ZNF438: variants seen among roughly 807,000 people sequenced by gnomAD.
The protein encoded by ZNF438 is zinc finger protein 438.
ZNF438 carries 25 observed loss-of-function variants against 38.0 expected under a neutral mutation model. The ratio of observed to expected loss-of-function variants is 0.66; its 90% CI spans 0.48 to 0.92. The LOEUF (loss-of-function observed/expected upper bound fraction) is 0.92. Among genes scored for constraint, ZNF438 ranks in the 40% least tolerant of loss-of-function variants. The pLI is 0.00. For missense variants in ZNF438, 1,007 were observed against 999.6 expected (o/e 1.01, Z -0.10); for synonymous variants, 372 against 364.1 (o/e 1.02, Z -0.25).
chr10:30,898,587 A>G (rs188807112), intron 3 of ZNF438, among the ~76,000 whole-genome samples: 49 of 152,210 alleles, frequency 3.2e-4, no homozygotes, highest in African/African-American at 1.2e-3. Context: ...TAACTACATA[A>G]CCATCTATTT....
intron 2 of ZNF438, among the ~76,000 whole-genome samples, chr10:30,916,276 C>T (rs546005087): frequency 1.7e-4 from 26 of 152,090 alleles, no homozygotes; most frequent in African/African-American, 5.3e-4. Context: ...TTTTGCATAT[C>T]GTATTATTGC....
intron 1 of ZNF438, among the ~76,000 whole-genome samples, chr10:30,965,684 C>T (rs1189999476): frequency 1.3e-5 from 2 of 152,150 alleles, no homozygotes; most frequent in Non-Finnish European, 2.9e-5. Context: ...CATGTCCTCA[C>T]TTATAAGTGG....
intron 1 of ZNF438, among the ~76,000 whole-genome samples, chr10:31,013,882 A>T (rs2055956952): frequency 6.6e-6 from 1 of 152,090 alleles, no homozygotes; most frequent in African/African-American, 2.4e-5. Flanking sequence ...TTTCCTTCAC[A>T]TCCAAGTCCG....
chr10:30,902,305 C>T (rs1353109586), intron 3 of ZNF438, among the ~76,000 whole-genome samples: 4 of 152,090 alleles, frequency 2.6e-5, no homozygotes, highest in African/African-American at 9.7e-5. Context: ...GAGCTAGACA[C>T]AAAAATTCTC....
intron 1 of ZNF438, among the ~76,000 whole-genome samples, chr10:30,987,319 C>CA (rs367636159): frequency 0.49 from 50,316 of 102,584 alleles, 9,613 homozygotes; most frequent in Admixed American, 0.53. Context: ...ACCCCTGTCT[C>CA]AAAAAAAAAA....
chr10:31,010,892 G>GAAAAAAAAAA (rs563189482), intron 1 of ZNF438, among the ~76,000 whole-genome samples: 952 of 92,544 alleles, frequency 0.01, 49 homozygotes, highest in Non-Finnish European at 0.012. Context: ...GACCCTGTTT[G>GAAAAAAAAAA]AAAAAAAAAA....
chr10:30,926,263 A>ACT, intron 2 of ZNF438, among the ~76,000 whole-genome samples: 1 of 152,252 alleles, frequency 6.6e-6, no homozygotes, highest in Admixed American at 6.5e-5. Flanking sequence ...CTGTGAGTTT[A>ACT]CTGTATGTAA....
chr10:30,935,496 C>T (rs1020102656), intron 2 of ZNF438, among the ~76,000 whole-genome samples: 4 of 152,012 alleles, frequency 2.6e-5, no homozygotes, highest in South Asian at 2.1e-4. Flanking sequence ...TTGGTGGAAA[C>T]GAACAGAGCA....
At chr10:31,005,494 A>C (rs1443994908) in intron 1 of ZNF438, among the ~76,000 whole-genome samples, 3 of 152,174 alleles carry the variant, frequency 2.0e-5, no homozygotes, top group African/African-American at 7.2e-5. Flanking sequence ...AATGATGGTA[A>C]ACAGGGGTGG....
intron 3 of ZNF438, among the ~76,000 whole-genome samples, chr10:30,882,377 A>C (rs919049376): frequency 6.6e-6 from 1 of 152,196 alleles, no homozygotes; most frequent in African/African-American, 2.4e-5. Flanking sequence ...AAGAGAAACA[A>C]AAGCAAATGT....
intron 2 of ZNF438, among the ~76,000 whole-genome samples, chr10:30,916,441 A>T (rs945172607): frequency 1.1e-4 from 17 of 152,074 alleles, no homozygotes; most frequent in Admixed American, 6.6e-5. Context: ...AGAATACATT[A>T]CTTATAACTT....
chr10:30,909,958 G>A (rs1037209166), intron 2 of ZNF438, among the ~76,000 whole-genome samples: 1 of 152,164 alleles, frequency 6.6e-6, no homozygotes, highest in Non-Finnish European at 1.5e-5. Context: ...CATAACCAAC[G>A]TAAAGGTCAT....
At chr10:30,957,880 T>C (rs902452779) in intron 1 of ZNF438, among the ~76,000 whole-genome samples, 4 of 117,610 alleles carry the variant, frequency 3.4e-5, no homozygotes, top group Non-Finnish European at 6.7e-5. Flanking sequence ...ATTTTGTGAC[T>C]CATTATTGCT....
intron 1 of ZNF438, among the ~76,000 whole-genome samples, chr10:30,993,662 C>T (rs1023148863): frequency 7.2e-5 from 11 of 152,200 alleles, no homozygotes; most frequent in African/African-American, 1.7e-4. Flanking sequence ...GAAGCAAGGC[C>T]GCAGCAGAGT....
intron 3 of ZNF438, among the ~76,000 whole-genome samples, chr10:30,892,581 C>T (rs1223593509): frequency 6.7e-6 from 1 of 149,056 alleles, no homozygotes; most frequent in Admixed American, 6.6e-5. Flanking sequence ...GAATACCAGT[C>T]CAAAAAAAAA....
At chr10:30,938,398 C>G (rs1723630143) in intron 2 of ZNF438, among the ~76,000 whole-genome samples, 1 of 152,066 alleles carries the variant, frequency 6.6e-6, no homozygotes, top group Non-Finnish European at 1.5e-5. Flanking sequence ...GTCTCAGCCT[C>G]CCAAGTAGCT....
chr10:30,848,810 C>G, exon 5 of ZNF438: 2 of 1,614,226 alleles, frequency 1.2e-6, no homozygotes, highest in Non-Finnish European at 1.7e-6. Flanking sequence ...GTAAGGGCGT[C>G]TGTTGGTGTG....
intron 1 of ZNF438, among the ~76,000 whole-genome samples, chr10:30,952,246 C>T (rs1378043597): frequency 4.0e-5 from 6 of 148,488 alleles, no homozygotes; most frequent in African/African-American, 1.5e-4. Context: ...ATACAAAAAT[C>T]AATTCAAGAT....
intron 1 of ZNF438, among the ~76,000 whole-genome samples, chr10:30,986,916 T>C (rs1022837124): frequency 5.9e-5 from 9 of 152,162 alleles, no homozygotes; most frequent in African/African-American, 9.7e-5. Context: ...GATAACACAA[T>C]TACAAACCTT....
Sources: allele counts gnomAD v4.1 joint callset (sites outside exome capture counted in the v4.1 genomes callset), GRCh38; gene constraint gnomAD v4.1.1; transcripts MANE v1.5; gene names NCBI Gene and HGNC (gene_info 2026-07-23, HGNC 2026-07-21).